Variants in FAM83A observed in about 807,000 individuals in gnomAD.
FAM83A encodes the protein protein FAM83A.
FAM83A carries 21 observed loss-of-function variants against 24.4 expected under a neutral mutation model. The ratio of observed to expected loss-of-function variants is 0.86; its 90% CI spans 0.61 to 1.24. The LOEUF is 1.24. FAM83A is among the 50% of genes most tolerant of loss of function. The pLI is 0.00. For synonymous variants in FAM83A, 270 were observed against 252.4 expected (o/e 1.07, Z -0.66); for missense variants, 617 against 579.8 (o/e 1.06, Z -0.66).
chr8:123,198,208 T>C (rs1182594518), intron 3 of FAM83A, among the ~76,000 whole-genome samples: 1 of 152,142 alleles, frequency 6.6e-6, no homozygotes, highest in East Asian at 1.9e-4. Context: ...AAAAGTCTTC[T>C]TACCCGGAGG....
intron 3 of FAM83A, among the ~76,000 whole-genome samples, chr8:123,200,988 C>CACACAT (rs1251475197): frequency 4.8e-5 from 7 of 145,772 alleles, no homozygotes; most frequent in African/African-American, 1.6e-4. Context: ...TATATATACA[C>CACACAT]ATATATACAA....
At chr8:123,204,095 A>G (rs1824458993) in intron 3 of FAM83A, among the ~76,000 whole-genome samples, 1 of 152,116 alleles carries the variant, frequency 6.6e-6, no homozygotes, top group Admixed American at 6.5e-5. Context: ...AAGGGACCCT[A>G]TGGCTAGATG....
intron 3 of FAM83A, among the ~76,000 whole-genome samples, chr8:123,204,496 C>T (rs991183779): frequency 2.0e-5 from 3 of 152,202 alleles, no homozygotes; most frequent in Admixed American, 1.3e-4. Flanking sequence ...GGCGCAGTGG[C>T]TCACGCCTGT....
At chr8:123,208,748 A>C (rs950502120) in exon 4 of FAM83A, 1 of 985,196 alleles carries the variant, frequency 1.0e-6, no homozygotes, top group African/African-American at 1.7e-5. Context: ...GTAATCCCAG[A>C]ACTTTGGGAT....
intron 1 of FAM83A, among the ~76,000 whole-genome samples, chr8:123,186,376 G>C (rs1823797976): frequency 6.6e-6 from 1 of 152,160 alleles, no homozygotes. Context: ...GAATAGGAGA[G>C]AGTGGGGAAA....
rs1245763328 is a variant in FAM83A, at chr8:123,209,012, C to T, written c.*1324C>T. ...AGAGCATAGAGGAGGGTTGGCCAGC[C>T]CTGTGGTGGGTGGGATGTCAGAGAC... On this transcript the variant is annotated 3_prime_UTR_variant, in exon 4 of 4. Transcript: ENST00000690554. This position sits in a 1 kb window ranked among gnomAD's most constrained non-coding sequence, Gnocchi z 4.7. The T allele has an allele frequency of 4.0e-6, 4 of 988,864 alleles. No homozygotes were observed. The highest frequency in any genetic ancestry group is 1.7e-5 in the African/African-American group (1 of 57,250). The allele number at this position is 988,864 out of a possible 1,614,324, so 61.3% of individuals were successfully genotyped here.
intron 3 of FAM83A, among the ~76,000 whole-genome samples, chr8:123,199,600 G>T (rs1032302035): frequency 6.6e-6 from 1 of 152,114 alleles, no homozygotes; most frequent in Non-Finnish European, 1.5e-5. Flanking sequence ...CATGTGTGGT[G>T]GCCCATGCCT....
At chr8:123,208,987 A>C (rs1344203229) in exon 4 of FAM83A, 2 of 980,606 alleles carry the variant, frequency 2.0e-6, no homozygotes, top group African/African-American at 3.5e-5. Context: ...AAAAAGAGAG[A>C]GAGCATAGAG....
chr8:123,184,768 A>C (rs1315431884), intron 1 of FAM83A, among the ~76,000 whole-genome samples: 1 of 152,212 alleles, frequency 6.6e-6, no homozygotes, highest in African/African-American at 2.4e-5. Context: ...AAAAACATTC[A>C]TCATCTGTAA....
rs1011103610 is a variant in FAM83A, at chr8:123,207,154, C to A, written c.774-3C>A. The A allele has an allele frequency of 6.4e-7, 1 of 1,570,196 alleles. No individual in the cohort carries two copies. The highest frequency in any genetic ancestry group is 8.7e-7 in the Non-Finnish European group (1 of 1,153,510). On this transcript the variant is annotated splice_polypyrimidine_tract_variant and splice_region_variant and intron_variant, in intron 3 of 3. Transcript: ENST00000690554. The stretch of plus-strand genomic sequence containing the variant: ...CATCACTCTCTCTCCTCTTCCCCTC[C>A]AGCTTCACCTGGCTCTGCGGACACG...
At chr8:123,199,318 C>T (rs947913839) in intron 3 of FAM83A, among the ~76,000 whole-genome samples, 1 of 152,126 alleles carries the variant, frequency 6.6e-6, no homozygotes, top group South Asian at 2.1e-4. Flanking sequence ...GAAAAGGATT[C>T]GTGAGTTTTA....
intron 1 of FAM83A, among the ~76,000 whole-genome samples, chr8:123,190,717 C>T (rs1563782417): frequency 6.6e-6 from 1 of 152,068 alleles, no homozygotes; most frequent in Non-Finnish European, 1.5e-5. Flanking sequence ...GTGGAAAAGT[C>T]AAGGGTGGCA....
chr8:123,198,749 G>A (rs1192482940), intron 3 of FAM83A, among the ~76,000 whole-genome samples: 1 of 152,108 alleles, frequency 6.6e-6, no homozygotes, highest in Non-Finnish European at 1.5e-5. Context: ...GTGTTAGGTC[G>A]TACCCCACTC....
At chr8:123,195,638 T>G (rs1033763484) in intron 3 of FAM83A, among the ~76,000 whole-genome samples, 2 of 152,194 alleles carry the variant, frequency 1.3e-5, no homozygotes, top group African/African-American at 4.8e-5. Context: ...TGGGAAGTCC[T>G]AGGTCAAGGT....
At chr8:123,180,180 A>G (rs1269713387), upstream of FAM83A, 1 of 152,184 alleles carries the variant, frequency 6.6e-6, no homozygotes, top group Non-Finnish European at 1.5e-5. Context: ...CAAGTATGGG[A>G]GAAGCCATGC....
At chr8:123,180,766 C>A (rs1390894500), upstream of FAM83A, 1 of 151,826 alleles carries the variant, frequency 6.6e-6, no homozygotes, top group Non-Finnish European at 1.5e-5. Context: ...GGCATAGATC[C>A]AAAAAGGCAA....
rs544024183 is a variant in FAM83A at position 123,204,701 on chromosome 8, C to T, written c.774-2456C>T. On this transcript the variant is annotated intron_variant, in intron 3 of 3. Transcript: ENST00000690554. ...GGCTTGAACCCAGGAGGCGAGCTTG[C>T]AGTGAGCCGAGATCGCGCCACTGCA... Among the ~76,000 whole-genome samples, 204 of 152,034 alleles carry T rather than the reference C, an allele frequency of 1.3e-3. No individual in the cohort carries two copies. In the Middle Eastern group the frequency reaches 0.044, roughly 33 times the overall value.
intron 3 of FAM83A, among the ~76,000 whole-genome samples, chr8:123,197,989 G>A (rs1362072650): frequency 6.6e-6 from 1 of 152,174 alleles, no homozygotes; most frequent in East Asian, 1.9e-4. Flanking sequence ...AATTAGCTGG[G>A]CATGGTGACA....
At chr8:123,207,772 T>C (rs2131113435) in exon 4 of FAM83A, 1 of 1,409,852 alleles carries the variant, frequency 7.1e-7, no homozygotes, top group South Asian at 1.6e-5. Context: ...ACGAGTGGCG[T>C]TGAGCCACTT....
Sources: gnomAD v4.1 joint callset for allele counts (sites outside exome capture counted in the v4.1 genomes callset) on GRCh38, gnomAD v4.1.1 for gene constraint, Gnocchi (gnomAD v3.1) non-coding constraint, MANE v1.5 for transcripts, NCBI Gene and HGNC (gene_info 2026-07-23, HGNC 2026-07-21) for gene names.